The following NAALADL2 variants were observed in gnomAD, a reference collection of about 807,000 sequenced individuals.
The protein encoded by NAALADL2 is N-acetylated alpha-linked acidic dipeptidase like 2.
A neutral mutation model predicts 87.2 loss-of-function variants in NAALADL2; 76 were observed. The observed-to-expected ratio is 0.87, with a 90% CI of 0.72 to 1.05. The LOEUF is 1.05. Ranked by LOEUF, NAALADL2 falls within the 50% of genes least tolerant of loss-of-function variation. The pLI is 0.00. For synonymous variants in NAALADL2, 354 were observed against 331.0 expected (o/e 1.07, Z -0.75); for missense variants, 1,089 against 945.8 (o/e 1.15, Z -1.99).
In NAALADL2 at chr3:174,695,817, G is replaced by T. The variant is rs948060946; in HGVS notation, c.-114-41824G>T. ...GCAATAAAATTTCAGGTTTTTCAGG[G>T]TGAAAATATGCCCAATATCATCCAA... On this transcript the variant is annotated intron_variant, in intron 2 of 3. Transcript: ENST00000434257. 2.6e-5 allele frequency among the ~76,000 whole-genome samples: 4 copies of T among 151,882 alleles called. No individual in the cohort carries two copies. The East Asian group carries it at 7.7e-4, about 29-fold the overall frequency.
At chr3:175,429,253 T>A (rs1355765638) in intron 5 of NAALADL2, among the ~76,000 whole-genome samples, 1 of 151,810 alleles carries the variant, frequency 6.6e-6, no homozygotes, top group African/African-American at 2.4e-5. Flanking sequence ...TGTATTTTTT[T>A]AATTTCTCAA....
intron 2 of NAALADL2, among the ~76,000 whole-genome samples, chr3:174,558,496 G>T (rs1713146700): frequency 6.6e-6 from 1 of 152,098 alleles, no homozygotes; most frequent in Non-Finnish European, 1.5e-5. Flanking sequence ...CCCATCTGGG[G>T]GTGATGGGAG....
At chr3:175,579,231 A>T (rs1019811041) in intron 10 of NAALADL2, among the ~76,000 whole-genome samples, 7 of 143,282 alleles carry the variant, frequency 4.9e-5, no homozygotes, top group African/African-American at 1.7e-4. Context: ...ATCATCTATC[A>T]TCCAGTGAGA....
intron 1 of NAALADL2, among the ~76,000 whole-genome samples, chr3:175,020,460 C>G (rs1002066818): frequency 6.6e-6 from 1 of 152,022 alleles, no homozygotes; most frequent in Non-Finnish European, 1.5e-5. Flanking sequence ...CTTATTATCT[C>G]CTAATTGTAA....
intron 6 of NAALADL2, among the ~76,000 whole-genome samples, chr3:175,462,128 G>A (rs1723233730): frequency 6.6e-6 from 1 of 152,084 alleles, no homozygotes; most frequent in Admixed American, 6.6e-5. Context: ...GGTCTATCAG[G>A]GTAACAAATG....
chr3:174,522,485 C>T (rs1443690524), intron 1 of NAALADL2, among the ~76,000 whole-genome samples: 1 of 151,908 alleles, frequency 6.6e-6, no homozygotes. Flanking sequence ...ACATAGACTT[C>T]ATCTCTCCAA....
chr3:174,987,568 C>CAAAAAAAAAA lies in NAALADL2; in HGVS notation c.44-109201_44-109192dup, dbSNP rs1159602995. On this transcript the variant is annotated intron_variant, in intron 1 of 13. Transcript: ENST00000454872. The stretch of plus-strand genomic sequence containing the variant: ...TGGGCGACAGAGCGAGACTCCGTCT[C>CAAAAAAAAAA]AAAAAAAAAAAAAAAAAAAAAAAAA... Among the ~76,000 whole-genome samples, 66 of 20,842 alleles carry CAAAAAAAAAA rather than the reference C, an allele frequency of 3.2e-3. 4 individuals carry two copies. Among genetic ancestry groups the CAAAAAAAAAA allele is most frequent in the Non-Finnish European group, 4.1e-3 (30 of 7,232 alleles). 13.7% of individuals were successfully genotyped at this position (20,842 alleles called of 152,430 possible). A position where few individuals can be genotyped will look rare whatever the true frequency, so the allele number is the denominator to read the frequency against.
intron 10 of NAALADL2, among the ~76,000 whole-genome samples, chr3:175,602,919 T>A (rs1457893774): frequency 1.3e-5 from 2 of 152,208 alleles, no homozygotes; most frequent in Non-Finnish European, 1.5e-5. Context: ...CCTTTCCCCA[T>A]GTGTCAGTCA....
intron 5 of NAALADL2, among the ~76,000 whole-genome samples, chr3:175,413,039 T>C (rs866161418): frequency 7.3e-5 from 11 of 149,722 alleles, no homozygotes; most frequent in Middle Eastern, 3.4e-3. Flanking sequence ...CTGCCTCAGC[T>C]TCCCACGCCC....
chr3:174,661,584 T>A (rs1725510818), intron 2 of NAALADL2, among the ~76,000 whole-genome samples: 2 of 152,290 alleles, frequency 1.3e-5, no homozygotes, highest in African/African-American at 4.8e-5. Context: ...CTTCCTTTTT[T>A]AATGTAATTT....
At chr3:174,849,606 G>A (rs1198830250) in intron 3 of NAALADL2, among the ~76,000 whole-genome samples, 6 of 151,752 alleles carry the variant, frequency 4.0e-5, no homozygotes, top group Non-Finnish European at 7.4e-5. Flanking sequence ...ATGGTGGCGG[G>A]TGCCTGTAAT....
At chr3:175,757,647 G>A (rs886342678) in intron 13 of NAALADL2, among the ~76,000 whole-genome samples, 1 of 151,970 alleles carries the variant, frequency 6.6e-6, no homozygotes. Context: ...TAAGAGATAT[G>A]GTTAAGACAC....
chr3:174,861,688 G>C (rs1726526252), intron 1 of NAALADL2, among the ~76,000 whole-genome samples: 3 of 151,946 alleles, frequency 2.0e-5, no homozygotes, highest in Non-Finnish European at 4.4e-5. Context: ...ATTTTCTAAG[G>C]CCATGTATCT....
intron 5 of NAALADL2, among the ~76,000 whole-genome samples, chr3:175,430,221 T>C (rs947025896): frequency 1.9e-4 from 29 of 152,094 alleles, no homozygotes; most frequent in African/African-American, 6.5e-4. Context: ...CCATTCTAAA[T>C]TCTACCATTT....
chr3:175,006,163 G>T (rs1279589086), intron 1 of NAALADL2, among the ~76,000 whole-genome samples: 1 of 151,938 alleles, frequency 6.6e-6, no homozygotes, highest in African/African-American at 2.4e-5. Context: ...GCTCTTAAAG[G>T]CCCACCTAAA....
rs116727546 is a variant in NAALADL2, at chr3:174,596,315, C to T, written c.-115+45678C>T. On this transcript the variant is annotated intron_variant, in intron 2 of 3. Transcript: ENST00000434257. ...CTGGGCCTCTCTACTACCATTGATG[C>T]TGCTAATCCATAACTCCTTGATTAT... 6.5e-3 allele frequency among the ~76,000 whole-genome samples: 986 copies of T among 152,278 alleles called. 13 individuals are homozygous for T. Among genetic ancestry groups the T allele is most frequent in the Non-Finnish European group, 7.4e-3 (500 of 68,012 alleles).
intron 10 of NAALADL2, among the ~76,000 whole-genome samples, chr3:175,607,109 T>C (rs949301516): frequency 6.6e-6 from 1 of 152,206 alleles, no homozygotes; most frequent in African/African-American, 2.4e-5. Flanking sequence ...TTTTTGAACC[T>C]GAAGAAAATT....
intron 2 of NAALADL2, among the ~76,000 whole-genome samples, chr3:175,199,362 A>G (rs1182500806): frequency 6.6e-6 from 1 of 152,056 alleles, no homozygotes; most frequent in African/African-American, 2.4e-5. Context: ...AGTCACATAT[A>G]ACTCTTGGGA....
chr3:174,525,012 T>C (rs1720612061), intron 1 of NAALADL2, among the ~76,000 whole-genome samples: 1 of 152,228 alleles, frequency 6.6e-6, no homozygotes, highest in Admixed American at 6.5e-5. Context: ...CTGTATAGGT[T>C]TGTTGCCTGG....
Sources: gnomAD v4.1 joint callset for allele counts (sites outside exome capture counted in the v4.1 genomes callset) on GRCh38, gnomAD v4.1.1 for gene constraint, MANE v1.5 for transcripts, NCBI Gene and HGNC (gene_info 2026-07-23, HGNC 2026-07-21) for gene names.